Variants in PIK3CD observed in about 807,000 individuals in gnomAD.
The protein encoded by PIK3CD is phosphatidylinositol-4,5-bisphosphate 3-kinase catalytic subunit delta, also known as phosphatidylinositol 4,5-bisphosphate 3-kinase catalytic subunit delta isoform.
A neutral mutation model predicts 122.9 loss-of-function variants in PIK3CD; 20 were observed. The observed-to-expected ratio is 0.16, with a 90% confidence interval of 0.11 to 0.24. The LOEUF (loss-of-function observed/expected upper bound fraction) is 0.24, where lower values mean the gene tolerates loss of function less well. Among genes scored for constraint, PIK3CD ranks in the 10% least tolerant of loss-of-function variants. The probability of loss-of-function intolerance (pLI) is 1.00; values close to 1 mark genes in which losing one functional copy is unlikely to be tolerated. For missense variants in PIK3CD, 787 were observed against 1,406.3 expected (o/e 0.56, Z 7.04); for synonymous variants, 596 against 593.4 (o/e 1.00, Z -0.06).
Position 9,689,203 on chromosome 1 carries a change from T to G in PIK3CD, c.-137-2264T>G, listed in dbSNP as rs905422157. Among the ~76,000 whole-genome samples the G allele has an allele frequency of 3.3e-5, 5 of 152,194 alleles. No individual in the cohort carries two copies. The highest frequency in any genetic ancestry group is 1.2e-4 in the African/African-American group (5 of 41,466). Reference sequence around the variant, plus strand: ...TGCTTTGCAGGTGGCGCTTTCTATTTATTGATTGTAAGGTGAAACCTAGGC... The same window carrying G: ...TGCTTTGCAGGTGGCGCTTTCTATTGATTGATTGTAAGGTGAAACCTAGGC... On this transcript the variant is annotated intron_variant, in intron 1 of 23. Transcript: ENST00000377346. The surrounding 1 kb of genome is among the most constrained non-coding windows in gnomAD (Gnocchi z 6.1).
At chr1:9,662,640 C>A (rs530345414) in intron 1 of PIK3CD, 1 of 152,146 alleles carries the variant, frequency 6.6e-6, no homozygotes, top group Non-Finnish European at 1.5e-5. Context: ...TTGGCCACTC[C>A]GGCTTCGGTG....
chr1:9,647,856 CAG>C (rs1644622481), upstream of PIK3CD, among the ~76,000 whole-genome samples: 1 of 152,100 alleles, frequency 6.6e-6, no homozygotes, highest in South Asian at 2.1e-4. Flanking sequence ...GTAACACAGT[CAG>C]AGTGTTTATG....
In PIK3CD at chr1:9,699,262, G is replaced by A. The variant is rs1450557056; in HGVS notation, c.-33+7691G>A. Among the ~76,000 whole-genome samples the A allele has an allele frequency of 2.0e-5, 3 of 152,090 alleles. No individual in the cohort carries two copies. The East Asian group carries it at 5.8e-4, about 29-fold the overall frequency. On this transcript the variant is annotated intron_variant, in intron 2 of 23. Transcript: ENST00000377346. ...GCTGGGATGAGTTCGGGCATTTCGG[G>A]GCATGTGAGCCCAGCACTTCCCCTC... is the stretch of plus-strand genomic sequence containing the variant.
chr1:9,673,270 A>T (rs185972616), intron 1 of PIK3CD, among the ~76,000 whole-genome samples: 13 of 151,244 alleles, frequency 8.6e-5, no homozygotes, highest in Non-Finnish European at 1.8e-4. Context: ...TTATTTTTTT[A>T]ATTTTTTGAA....
chr1:9,633,083 C>G, the PIK3CD span, among the ~76,000 whole-genome samples: 92,342 of 151,734 alleles, frequency 0.61, 30,217 homozygotes, highest in Non-Finnish European at 0.74. Context: ...GGATGGTCTC[C>G]ATCTCCTGAC....
chr1:9,653,612 T>C, intron 1 of PIK3CD: 2 of 411,692 alleles, frequency 4.9e-6, no homozygotes, highest in South Asian at 3.8e-5. Context: ...CCGCTGCTGC[T>C]GTTCACACCC....
At position 9,724,922 on chromosome 1, in the gene PIK3CD, A is replaced by G. The variant is rs1649266320; in HGVS notation, c.2983A>G (p.Ile995Val). 6.2e-7 allele frequency: 1 copy of G among 1,613,708 alleles called. No homozygotes were observed. Among genetic ancestry groups the G allele is most frequent in the African/African-American group, 1.3e-5 (1 of 74,946 alleles). Reference protein sequence around the residue: ...GLPELSCSKDIQYLKDSLALG... With the variant: ...GLPELSCSKDVQYLKDSLALG... ...GCCTGAGCTCAGCTGCTCCAAAGAC[A>G]TCCAGTATCTCAAGGTATGTGCCGG... The change falls in exon 23 of 24, where the codon ATC (isoleucine) becomes GTC (valine). Residue 995 changes from isoleucine (I) to valine (V), a missense_variant. Physicochemically the swap from Ile to Val is conservative, Grantham distance 29 (BLOSUM62 3). Around this residue, in one of 6 missense-constraint regions of PIK3CD, gnomAD observed 60 missense variants for 129.5 expected, o/e 0.46. Coordinates refer to ENST00000377346, the MANE Select transcript of PIK3CD (RefSeq NM_005026.5). The surrounding 1 kb of genome is among the most constrained non-coding windows in gnomAD (Gnocchi z 7.3).
At chr1:9,654,127 CCTT>C in intron 1 of PIK3CD, 1 of 1,208,200 alleles carries the variant, frequency 8.3e-7, no homozygotes, top group Non-Finnish European at 1.1e-6. Flanking sequence ...AAGCTAGCCT[CCTT>C]CTGAGCCCCA....
At chr1:9,644,431 T>G in the PIK3CD span, among the ~76,000 whole-genome samples, 9 of 151,716 alleles carry the variant, frequency 5.9e-5, no homozygotes, top group Non-Finnish European at 1.2e-4. Context: ...GGCAGGAGAA[T>G]CACTTGAACC....
In PIK3CD at chr1:9,710,365, T is replaced by C; in HGVS notation, c.-32-59T>C. 7.1e-7 allele frequency: 1 copy of C among 1,401,132 alleles called. No individual in the cohort carries two copies. The highest frequency in any genetic ancestry group is 1.0e-6 in the Non-Finnish European group (1 of 989,356). 86.8% of individuals were successfully genotyped at this position (1,401,132 alleles called of 1,614,324 possible). On this transcript the variant is annotated intron_variant, in intron 2 of 23. Transcript: ENST00000377346. The surrounding 1 kb of genome is among the most constrained non-coding windows in gnomAD (Gnocchi z 4.7). ...CCCCACTGTTTTCCAGGGAGTCCCT[T>C]CCAAAGGTCTCACCCAGCTCAGCTG...
chr1:9,723,412 G>A lies in PIK3CD; in HGVS notation c.2594+120G>A. On this transcript the variant is annotated intron_variant, in intron 20 of 23. Coordinates refer to ENST00000377346, the MANE Select transcript of PIK3CD (RefSeq NM_005026.5). The surrounding 1 kb of genome is among the most constrained non-coding windows in gnomAD (Gnocchi z 4.9). ...CTCAGACCATCTTTGTGGCTACTTG[G>A]CTCAGTTGAGGACCAGCCTGTGTCT... 1.9e-6 allele frequency: 2 copies of A among 1,045,448 alleles called. No homozygotes were observed. The highest frequency in any genetic ancestry group is 2.5e-5 in the East Asian group (1 of 40,422). The allele number at this position is 1,045,448 out of a possible 1,614,324, so 64.8% of individuals were successfully genotyped here. A position where few individuals can be genotyped will look rare whatever the true frequency, so the allele number is the denominator to read the frequency against.
In PIK3CD at chr1:9,724,754, CTGTG is replaced by C; in HGVS notation, c.2865-49_2865-46del. On this transcript the variant is annotated intron_variant, in intron 22 of 23. Transcript: ENST00000377346. The surrounding 1 kb of genome is among the most constrained non-coding windows in gnomAD (Gnocchi z 7.3). The stretch of plus-strand genomic sequence containing the variant: ...GTTGGATGCAGAGCGGCCCTCTGGC[CTGTG>C]GCTGGGAGTTCCCAGAGCCTCACTT... The C allele has an allele frequency of 6.2e-7, 1 of 1,611,316 alleles. No individual in the cohort carries two copies. Among genetic ancestry groups the C allele is most frequent in the Non-Finnish European group, 8.5e-7 (1 of 1,179,570 alleles).
the PIK3CD span, among the ~76,000 whole-genome samples, chr1:9,633,636 C>T: frequency 6.6e-6 from 1 of 152,154 alleles, no homozygotes; most frequent in Non-Finnish European, 1.5e-5. Context: ...TGCGGTTGAA[C>T]ATTCAGCCTT....
chr1:9,638,242 GAA>G, the PIK3CD span, among the ~76,000 whole-genome samples: 3 of 152,202 alleles, frequency 2.0e-5, no homozygotes, highest in African/African-American at 7.2e-5. Context: ...CCTATCAGAG[GAA>G]AAGAGACTCA....
At position 9,728,997 on chromosome 1, in the gene PIK3CD, AGAG is replaced by A. The variant is rs919199747; in HGVS notation, c.*1952_*1954del. 6.6e-6 allele frequency: 1 copy of A among 152,228 alleles called. No individual in the cohort carries two copies. Among genetic ancestry groups the A allele is most frequent in the African/African-American group, 2.4e-5 (1 of 41,458 alleles). The allele number at this position is 152,228 out of a possible 1,614,324, so 9.4% of individuals were successfully genotyped here. A position where few individuals can be genotyped will look rare whatever the true frequency, so the allele number is the denominator to read the frequency against. ...AGTGTAGGTTTAAAACCAAAACAGG[AGAG>A]AAGACAAACCCCGCTCCGGCTGGAG... On this transcript the variant is annotated 3_prime_UTR_variant, in exon 24 of 24. Transcript: ENST00000377346.
At chr1:9,635,190 G>A in the PIK3CD span, among the ~76,000 whole-genome samples, 5 of 150,386 alleles carry the variant, frequency 3.3e-5, no homozygotes, top group Middle Eastern at 0.01. Context: ...CAGGAGAATC[G>A]CTTGAACCTG....
chr1:9,701,668 CAAAA>C (rs1163030937), intron 2 of PIK3CD, among the ~76,000 whole-genome samples: 9 of 79,002 alleles, frequency 1.1e-4, no homozygotes, highest in South Asian at 3.9e-4. Context: ...GACTCTGTCT[CAAAA>C]AAAAAAAAAA....
chr1:9,725,134 G>GGCAT (rs1401492032), intron 23 of PIK3CD, among the ~76,000 whole-genome samples, 198 bp downstream of exon 23: 1 of 152,216 alleles, frequency 6.6e-6, no homozygotes, highest in African/African-American at 2.4e-5. Context: ...GAGCCGCCCA[G>GGCAT]GCATGGTTCC....
Position 9,727,374 on chromosome 1 carries a change from T to G in PIK3CD, c.*328T>G. 1 of 439,690 alleles carries G rather than the reference T, an allele frequency of 2.3e-6. No individual in the cohort carries two copies. Among genetic ancestry groups the G allele is most frequent in the East Asian group, 4.2e-5 (1 of 23,802 alleles). The allele number at this position is 439,690 out of a possible 1,614,324, so 27.2% of individuals were successfully genotyped here. A position where few individuals can be genotyped will look rare whatever the true frequency, so the allele number is the denominator to read the frequency against. ...TGTTCTCCTCCCGAGGGAACCTTCT[T>G]CCCAGGCCTCCCGCCAGACTGCCTG... On this transcript the variant is annotated 3_prime_UTR_variant, in exon 24 of 24. Transcript: ENST00000377346.
Sources: allele counts gnomAD v4.1 joint callset (sites outside exome capture counted in the v4.1 genomes callset), GRCh38; gene constraint gnomAD v4.1.1; regional missense constraint gnomAD v4.1.1; non-coding constraint Gnocchi (gnomAD v3.1); transcripts MANE v1.5; gene names NCBI Gene and HGNC (gene_info 2026-07-23, HGNC 2026-07-21).